ARPIN: variants seen among roughly 807,000 people sequenced by gnomAD.
The protein encoded by ARPIN is actin related protein 2/3 complex inhibitor.
A neutral mutation model predicts 25.9 loss-of-function variants in ARPIN; 23 were observed. The observed-to-expected ratio is 0.89, with a 90% CI of 0.64 to 1.26. ARPIN has a LOEUF of 1.26. Among genes scored for constraint, ARPIN ranks in the 50% most tolerant of loss-of-function variants. The probability of loss-of-function intolerance (pLI) is 0.00; values close to 1 mark genes in which losing one functional copy is unlikely to be tolerated. For synonymous variants in ARPIN, 126 were observed against 131.4 expected (o/e 0.96, Z 0.28); for missense variants, 333 against 312.2 (o/e 1.07, Z -0.50).
At position 89,896,586 on chromosome 15, in the gene ARPIN, C is replaced by T. The variant is rs1286639702; in HGVS notation, c.*5209G>A. ...AGCAATAAAAATCACAAAACATCAA[C>T]AGATATATAAAGTTTTTTTATAAAA... On this transcript the variant is annotated 3_prime_UTR_variant, in exon 6 of 6. Transcript: ENST00000357484. 1 of 151,980 alleles carries T rather than the reference C, an allele frequency of 6.6e-6. No homozygotes were observed. Among genetic ancestry groups the T allele is most frequent in the Non-Finnish European group, 1.5e-5 (1 of 67,978 alleles). 9.4% of individuals were successfully genotyped at this position (151,980 alleles called of 1,614,324 possible). A position where few individuals can be genotyped will look rare whatever the true frequency, so the allele number is the denominator to read the frequency against.
intron 4 of ARPIN, 50 bp downstream of exon 4, chr15:89,903,727 C>A: frequency 6.2e-7 from 1 of 1,604,010 alleles, no homozygotes; most frequent in Non-Finnish European, 8.5e-7. Context: ...CCAAGAGCCC[C>A]CATGGGCCAC....
chr15:89,908,990 A>AAAAAC (rs1038368637), intron 2 of ARPIN, among the ~76,000 whole-genome samples: 1 of 152,148 alleles, frequency 6.6e-6, no homozygotes. Context: ...CTCAAAAAAC[A>AAAAAC]AAAACAAAAC....
rs913863433 is a variant in ARPIN at position 89,912,529 on chromosome 15, G to A, written c.92+215C>T. The A allele has an allele frequency of 7.7e-6, 10 of 1,305,482 alleles. No individual in the cohort carries two copies. The African/African-American group carries it at 1.5e-4, about 20-fold the overall frequency. The allele number at this position is 1,305,482 out of a possible 1,614,324, so 80.9% of individuals were successfully genotyped here. On this transcript the variant is annotated intron_variant, in intron 1 of 5. Coordinates refer to ENST00000357484, the MANE Select transcript of ARPIN (RefSeq NM_182616.4). ...TCTCTCGAGGGCAGGCGGACAGGCG[G>A]GGAGCTTTAAGCCGATCTGTGTCAT...
Position 89,903,282 on chromosome 15 carries a change from T to C in ARPIN, c.606A>G (p.Gln202=), listed in dbSNP as rs1286156769. 3 of 1,614,208 alleles carry C rather than the reference T, an allele frequency of 1.9e-6. No individual in the cohort carries two copies. Among genetic ancestry groups the C allele is most frequent in the Middle Eastern group, 1.6e-4 (1 of 6,062 alleles). ...GASWTDNIMA[Q]KCSKGAAAEI... ...CCGCTGCAGCCCCCTTCGAACACTT[T>C]TGGGCCATGATGTTGTCTGTCCAGG... The change falls in exon 5 of 6, where the codon CAA becomes CAG. Residue 202 remains glutamine, a synonymous_variant. Coordinates refer to ENST00000357484, the MANE Select transcript of ARPIN (RefSeq NM_182616.4).
At chr15:89,903,650 G>T in intron 4 of ARPIN, 127 bp downstream of exon 4, 1 of 1,463,100 alleles carries the variant, frequency 6.8e-7, no homozygotes, top group South Asian at 1.3e-5. Context: ...TAAATCTCAA[G>T]GGCTTGGTCG....
At chr15:89,904,091 G>C in intron 3 of ARPIN, 108 bp from the exon 4 acceptor site, 2 of 1,345,124 alleles carry the variant, frequency 1.5e-6, no homozygotes, top group Non-Finnish European at 2.0e-6. Flanking sequence ...TCAGTCACCC[G>C]GAGGCTGGGA....
In ARPIN at chr15:89,903,339, A is replaced by T; in HGVS notation, c.549T>A (p.Cys183Ter). 6.2e-7 allele frequency: 1 copy of T among 1,614,196 alleles called. No individual in the cohort carries two copies. Among genetic ancestry groups the T allele is most frequent in the Non-Finnish European group, 8.5e-7 (1 of 1,180,032 alleles). ...CTGTCTTTCCATCACCAGTGAAATTACACTTGGTCACTGTTCCAGCCTCAA... is the reference window on the plus strand; with the variant it reads ...CTGTCTTTCCATCACCAGTGAAATTTCACTTGGTCACTGTTCCAGCCTCAA... Reference protein sequence around the residue: ...AKLEAGTVTKCNFTGDGKTGA... With the variant: ...AKLEAGTVTK The change falls in exon 5 of 6, where the codon TGT becomes TGA. Residue 183 changes from cysteine to a stop codon, truncating the protein, a stop_gained. Transcript: ENST00000357484. LOFTEE classifies it high-confidence loss of function.
chr15:89,904,646 C>G (rs1406162028), intron 3 of ARPIN, among the ~76,000 whole-genome samples: 1 of 152,164 alleles, frequency 6.6e-6, no homozygotes, highest in Admixed American at 6.5e-5. Flanking sequence ...GGAAGGGGCA[C>G]TCCCGGACTG....
chr15:89,906,845 A>G (rs1005293245), intron 3 of ARPIN, among the ~76,000 whole-genome samples: 6 of 151,898 alleles, frequency 4.0e-5, no homozygotes, highest in Non-Finnish European at 8.8e-5. Flanking sequence ...TTCGTACGTT[A>G]ACAGGAGGCT....
At chr15:89,903,429 T>C (rs770770499) in intron 4 of ARPIN, 50 bp from the exon 5 acceptor site, 22 of 1,609,566 alleles carry the variant, frequency 1.4e-5, no homozygotes, top group Middle Eastern at 1.7e-4. Flanking sequence ...GGCAGAAACA[T>C]AGTGAGGGCT....
Position 89,897,472 on chromosome 15 carries a change from C to G in ARPIN, c.*4323G>C, listed in dbSNP as rs1488172327. ...TGCACTCCAGCCTGGGCAACAAGAG[C>G]AAAACTCCATCTCAAAAAAAAGAAG... On this transcript the variant is annotated 3_prime_UTR_variant, in exon 6 of 6. Coordinates refer to ENST00000357484, the MANE Select transcript of ARPIN (RefSeq NM_182616.4). The G allele has an allele frequency of 6.6e-6, 1 of 152,050 alleles. No homozygotes were observed. The highest frequency in any genetic ancestry group is 2.4e-5 in the African/African-American group (1 of 41,340). 9.4% of individuals were successfully genotyped at this position (152,050 alleles called of 1,614,324 possible). A position where few individuals can be genotyped will look rare whatever the true frequency, so the allele number is the denominator to read the frequency against.
rs531678761 is a variant in ARPIN, at chr15:89,895,769, C to A, written c.*6026G>T. The A allele has an allele frequency of 6.6e-6, 1 of 152,312 alleles. No individual in the cohort carries two copies. The highest frequency in any genetic ancestry group is 2.4e-5 in the African/African-American group (1 of 41,562). The allele number at this position is 152,312 out of a possible 1,614,324, so 9.4% of individuals were successfully genotyped here. The stretch of plus-strand genomic sequence containing the variant: ...TTGTTTTTCAGAGATAGGGTCTTAC[C>A]CAGGTTGGAGTGCAGTGGCACAGTC... On this transcript the variant is annotated 3_prime_UTR_variant, in exon 6 of 6. Coordinates refer to ENST00000357484, the MANE Select transcript of ARPIN (RefSeq NM_182616.4).
intron 2 of ARPIN, 130 bp from the exon 3 acceptor site, chr15:89,908,542 G>T: frequency 6.8e-7 from 1 of 1,471,362 alleles, no homozygotes; most frequent in Non-Finnish European, 9.1e-7. Flanking sequence ...AGATGTTCAA[G>T]CTAGGCAGAT....
intron 3 of ARPIN, among the ~76,000 whole-genome samples, chr15:89,905,029 T>G (rs1263077804): frequency 6.6e-6 from 1 of 151,632 alleles, no homozygotes; most frequent in Non-Finnish European, 1.5e-5. Flanking sequence ...CAACCCTTTT[T>G]TTTTTTTTTT....
Position 89,912,933 on chromosome 15 carries a change from C to T in ARPIN, c.-98G>A. On this transcript the variant is annotated 5_prime_UTR_variant, in exon 1 of 6. Transcript: ENST00000357484. ...AGGACGCGCGGGGACCCGCGATTCC[C>T]AGCCGGCGGATCCGGGAATGGCGCG... The T allele has an allele frequency of 7.2e-7, 1 of 1,384,600 alleles. No homozygotes were observed. Among genetic ancestry groups the T allele is most frequent in the South Asian group, 1.5e-5 (1 of 65,308 alleles). The allele number at this position is 1,384,600 out of a possible 1,614,324, so 85.8% of individuals were successfully genotyped here.
intron 2 of ARPIN, among the ~76,000 whole-genome samples, chr15:89,908,621 C>T (rs1319979383): frequency 1.3e-5 from 2 of 152,126 alleles, no homozygotes; most frequent in African/African-American, 4.8e-5. Flanking sequence ...ATAATGAGCC[C>T]TGCTAGAAGT....
chr15:89,903,310 GC>G lies in ARPIN; in HGVS notation c.577del (p.Ala193HisfsTer48), dbSNP rs1259168521. ...CNFTGDGKTG[A>X]SWTDNIMAQK... ...GGCCATGATGTTGTCTGTCCAGGAT[GC>G]CCCTGTCTTTCCATCACCAGTGAAA... On this transcript the variant is annotated frameshift_variant, in exon 5 of 6. Coordinates refer to ENST00000357484, the MANE Select transcript of ARPIN (RefSeq NM_182616.4). LOFTEE classifies it high-confidence loss of function. 6.2e-7 allele frequency: 1 copy of G among 1,614,178 alleles called. No homozygotes were observed. Among genetic ancestry groups the G allele is most frequent in the Non-Finnish European group, 8.5e-7 (1 of 1,180,034 alleles).
chr15:89,903,445 C>T, intron 4 of ARPIN, 66 bp from the exon 5 acceptor site: 1 of 1,600,386 alleles, frequency 6.2e-7, no homozygotes, highest in South Asian at 1.1e-5. Flanking sequence ...GGGCTGGGCC[C>T]ATTATGGTGG....
chr15:89,901,777 C>T lies in ARPIN; in HGVS notation c.*18G>A. On this transcript the variant is annotated 3_prime_UTR_variant, in exon 6 of 6. Coordinates refer to ENST00000357484, the MANE Select transcript of ARPIN (RefSeq NM_182616.4). ...ATGCTACAGAAGGTGCTGGTGCCCC[C>T]AGAGGCAGCCACGTCCCTCAGTCAT... 6.2e-7 allele frequency: 1 copy of T among 1,613,710 alleles called. No individual in the cohort carries two copies. Among genetic ancestry groups the T allele is most frequent in the Non-Finnish European group, 8.5e-7 (1 of 1,179,650 alleles).
Sources: gnomAD v4.1 joint callset for allele counts (sites outside exome capture counted in the v4.1 genomes callset) on GRCh38, gnomAD v4.1.1 for gene constraint, MANE v1.5 for transcripts, NCBI Gene and HGNC (gene_info 2026-07-23, HGNC 2026-07-21) for gene names.